The following WDR48 variants were observed in gnomAD, a reference collection of about 807,000 sequenced individuals.
WDR48 encodes the protein WD repeat-containing protein 48.
A neutral mutation model predicts 94.0 loss-of-function variants in WDR48; 22 were observed. The ratio of observed to expected loss-of-function variants is 0.23; its 90% CI spans 0.17 to 0.33. The LOEUF (loss-of-function observed/expected upper bound fraction) is 0.33, where lower values mean the gene tolerates loss of function less well. Among genes scored for constraint, WDR48 ranks in the 10% least tolerant of loss-of-function variants. The pLI is 1.00. For missense variants in WDR48, 541 were observed against 813.8 expected, an observed-to-expected ratio of 0.66 and a Z score of 4.08; for synonymous variants, 278 against 280.5, an observed-to-expected ratio of 0.99 and a Z score of 0.09.
intron 1 of WDR48, among the ~76,000 whole-genome samples, chr3:39,055,336 A>G (rs773684410): frequency 5.3e-5 from 8 of 152,002 alleles, no homozygotes; most frequent in Non-Finnish European, 1.0e-4. Context: ...AAAATATAAA[A>G]ATTGCCGGCA....
intron 6 of WDR48, among the ~76,000 whole-genome samples, chr3:39,069,215 T>G (rs111787699): frequency 1.3e-5 from 2 of 152,192 alleles, no homozygotes; most frequent in Admixed American, 6.5e-5. Flanking sequence ...GTGCAAGCAA[T>G]TCACCTGCCT....
rs777746881 is a variant in WDR48 at position 39,068,807 on chromosome 3, G to T, written c.518G>T (p.Ser173Ile). The change falls in exon 6 of 19, where the codon AGC becomes ATC. Residue 173 changes from serine to isoleucine, a missense_variant. Coordinates refer to ENST00000302313, the MANE Select transcript of WDR48 (RefSeq NM_020839.4). The stretch of plus-strand genomic sequence containing the variant: ...AGTGGAAACAAAGATTCCATTTATA[G>T]CCTGGCCATGAATCAACTGGGAACA... ...SLSGNKDSIY[S>I]LAMNQLGTII... 1 of 1,602,934 alleles carries T rather than the reference G, an allele frequency of 6.2e-7. No individual in the cohort carries two copies. Among genetic ancestry groups the T allele is most frequent in the South Asian group, 1.1e-5 (1 of 89,594 alleles).
chr3:39,070,220 G>A (rs1308533793), intron 7 of WDR48, among the ~76,000 whole-genome samples: 1 of 152,198 alleles, frequency 6.6e-6, no homozygotes, highest in African/African-American at 2.4e-5. Flanking sequence ...TTATACATTA[G>A]CTCTGTTGGC....
rs201036643 is a variant in WDR48, at chr3:39,069,794, C to G, written c.672+50C>G. On this transcript the variant is annotated intron_variant, in intron 7 of 18. Coordinates refer to ENST00000302313, the MANE Select transcript of WDR48 (RefSeq NM_020839.4). Reference sequence around the variant, plus strand: ...ACCTAATAACCTTGTTAGAAATTTCCGCACTTTGTATACTATTGCATAGGT... The same window carrying G: ...ACCTAATAACCTTGTTAGAAATTTCGGCACTTTGTATACTATTGCATAGGT... 12 of 1,517,744 alleles carry G rather than the reference C, an allele frequency of 7.9e-6. No individual in the cohort carries two copies. The South Asian group carries it at 1.4e-4, about 18-fold the overall frequency. 94.0% of individuals were successfully genotyped at this position (1,517,744 alleles called of 1,614,324 possible).
chr3:39,069,573 G>A lies in WDR48; in HGVS notation c.571-70G>A, dbSNP rs1575407689. 6.1e-6 allele frequency: 8 copies of A among 1,308,252 alleles called. No homozygotes were observed. The East Asian group carries it at 1.9e-4, about 32-fold the overall frequency. 81.0% of individuals were successfully genotyped at this position (1,308,252 alleles called of 1,614,324 possible). ...ATATAATGGTTATCATTTGACTTAT[G>A]AGAGTTGTCTGTTATTTAAATTTGA... On this transcript the variant is annotated intron_variant, in intron 6 of 18. Transcript: ENST00000302313.
chr3:39,053,740 A>G (rs901572819), intron 1 of WDR48, among the ~76,000 whole-genome samples: 2 of 152,146 alleles, frequency 1.3e-5, no homozygotes, highest in African/African-American at 4.8e-5. Context: ...AATAAAGTAT[A>G]TATATTTTAA....
At chr3:39,066,685 T>G in intron 4 of WDR48, 55 bp downstream of exon 4, 2 of 1,613,316 alleles carry the variant, frequency 1.2e-6, no homozygotes, top group African/African-American at 2.7e-5. Context: ...CTCAGTACTT[T>G]GTGTGGCTCA....
Position 39,056,608 on chromosome 3 carries a change from CAG to C in WDR48, c.48+4537_48+4538del, listed in dbSNP as rs36113033. Among the ~76,000 whole-genome samples, 333 of 152,280 alleles carry C rather than the reference CAG, an allele frequency of 2.2e-3. 2 individuals are homozygous for C. The highest frequency in any genetic ancestry group is 3.9e-3 in the Non-Finnish European group (262 of 68,018). ...AGGATCCCTTTAAAGCTGTATGAAA[CAG>C]AATGGCATTGAAATCAGTGGCAACA... On this transcript the variant is annotated intron_variant, in intron 1 of 18. Transcript: ENST00000302313.
At chr3:39,059,530 T>C (rs1471285102) in intron 1 of WDR48, among the ~76,000 whole-genome samples, 4 of 152,220 alleles carry the variant, frequency 2.6e-5, no homozygotes. Context: ...ATGCCTCTTA[T>C]AAATGATGAC....
chr3:39,078,434 T>A (rs796492221), intron 10 of WDR48, among the ~76,000 whole-genome samples, 195 bp downstream of exon 10: 26 of 152,244 alleles, frequency 1.7e-4, no homozygotes, highest in African/African-American at 6.3e-4. Flanking sequence ...GTTTTGTTTT[T>A]TTGAGATGGA....
At chr3:39,053,104 A>G (rs768010384) in intron 1 of WDR48, among the ~76,000 whole-genome samples, 27 of 152,336 alleles carry the variant, frequency 1.8e-4, no homozygotes, top group Middle Eastern at 3.4e-3. Context: ...GTTTGCCTGC[A>G]GGTATATTGT....
chr3:39,094,834 G>A lies in WDR48; in HGVS notation c.*91G>A. 3 of 1,495,358 alleles carry A rather than the reference G, an allele frequency of 2.0e-6. 1 individual carries two copies. In the South Asian group the frequency reaches 3.7e-5, roughly 18 times the overall value. The allele number at this position is 1,495,358 out of a possible 1,614,324, so 92.6% of individuals were successfully genotyped here. On this transcript the variant is annotated 3_prime_UTR_variant, in exon 19 of 19. Coordinates refer to ENST00000302313, the MANE Select transcript of WDR48 (RefSeq NM_020839.4). Reference sequence around the variant, plus strand: ...GGAAGCCCACTGATCCCCAACGGGAGCAAGACTTCTAACGGCTGATTGGTA... The same window carrying A: ...GGAAGCCCACTGATCCCCAACGGGAACAAGACTTCTAACGGCTGATTGGTA...
At chr3:39,094,380 GTTT>G in intron 18 of WDR48, 1 of 1,469,392 alleles carries the variant, frequency 6.8e-7, no homozygotes, top group South Asian at 1.4e-5. Flanking sequence ...TGGCAGAACT[GTTT>G]TTTAAATCAA....
chr3:39,052,229 A>G (rs1342287279), intron 1 of WDR48, 156 bp downstream of exon 1: 1 of 841,040 alleles, frequency 1.2e-6, no homozygotes, highest in Non-Finnish European at 1.8e-6. Flanking sequence ...CGCGGCGCTA[A>G]CGGCTTGAGG....
Position 39,069,627 on chromosome 3 carries a change from C to G in WDR48, c.571-16C>G. 1 of 1,591,944 alleles carries G rather than the reference C, an allele frequency of 6.3e-7. No homozygotes were observed. The highest frequency in any genetic ancestry group is 1.4e-5 in the African/African-American group (1 of 73,870). ...TGATATATTTAGTTTGTGTAATACT[C>G]TATTAAAATTCACAGGTGTTACGGG... is the stretch of plus-strand genomic sequence containing the variant. On this transcript the variant is annotated splice_polypyrimidine_tract_variant and intron_variant, in intron 6 of 18. Transcript: ENST00000302313.
chr3:39,089,132 A>T, intron 15 of WDR48, 99 bp from the exon 16 acceptor site: 1 of 1,044,170 alleles, frequency 9.6e-7, no homozygotes, highest in Non-Finnish European at 1.4e-6. Context: ...GGGTTATCCT[A>T]CATGAAAACC....
chr3:39,075,354 A>G (rs115967705), intron 8 of WDR48, among the ~76,000 whole-genome samples: 2,262 of 152,168 alleles, frequency 0.015, 20 homozygotes, highest in Non-Finnish European at 0.019. Context: ...AGTCCTTAGG[A>G]AAAGAAATAT....
At position 39,065,834 on chromosome 3, in the gene WDR48, G is replaced by A; in HGVS notation, c.213G>A (p.Met71Ile). ...QHKQDPYIAS[M>I]EHHTDWVNDI... ...AGCAAGATCCATATATAGCATCTAT[G>A]GAACACCATACTGATTGGGTAAACG... The change falls in exon 3 of 19, where the codon ATG (methionine) becomes ATA (isoleucine). Residue 71 changes from methionine to isoleucine, a missense_variant. Coordinates refer to ENST00000302313, the MANE Select transcript of WDR48 (RefSeq NM_020839.4). 4 of 1,606,514 alleles carry A rather than the reference G, an allele frequency of 2.5e-6. No homozygotes were observed. Among genetic ancestry groups the A allele is most frequent in the Non-Finnish European group, 3.4e-6 (4 of 1,177,122 alleles).
At chr3:39,094,512 G>A (rs770185638) in intron 18 of WDR48, 136 bp from the exon 19 acceptor site, 15 of 1,538,330 alleles carry the variant, frequency 9.8e-6, no homozygotes, top group South Asian at 9.6e-5. Flanking sequence ...CATGGAAGCC[G>A]TGACAGCAAG....
Sources: allele counts gnomAD v4.1 joint callset (sites outside exome capture counted in the v4.1 genomes callset), GRCh38; gene constraint gnomAD v4.1.1; transcripts MANE v1.5; gene names NCBI Gene and HGNC (gene_info 2026-07-23, HGNC 2026-07-21).